GSG1L: variants seen among roughly 807,000 people sequenced by gnomAD.
GSG1L encodes germ cell-specific gene 1-like protein.
GSG1L carries 24 observed loss-of-function variants against 42.1 expected under a neutral mutation model. The ratio of observed to expected loss-of-function variants is 0.57; its 90% confidence interval spans 0.41 to 0.80. The LOEUF (loss-of-function observed/expected upper bound fraction) is 0.80, where lower values mean the gene tolerates loss of function less well. GSG1L is among the 30% of genes least tolerant of loss of function. The pLI is 0.00. For synonymous variants in GSG1L, 215 were observed against 203.5 expected (o/e 1.06, Z -0.48); for missense variants, 445 against 472.2 (o/e 0.94, Z 0.53).
intron 1 of GSG1L, among the ~76,000 whole-genome samples, chr16:28,061,435 G>A (rs375207521): frequency 1.3e-5 from 2 of 152,248 alleles, no homozygotes; most frequent in South Asian, 2.1e-4. Context: ...TCTGACAAAC[G>A]GCCAGCCTGG....
intron 1 of GSG1L, among the ~76,000 whole-genome samples, chr16:28,007,881 C>T (rs1328970829): frequency 6.6e-6 from 1 of 152,096 alleles, no homozygotes; most frequent in Non-Finnish European, 1.5e-5. Context: ...ATGGCAGATG[C>T]AATTGACAGC....
chr16:28,061,558 A>G (rs981720052), intron 1 of GSG1L, among the ~76,000 whole-genome samples: 5 of 152,166 alleles, frequency 3.3e-5, no homozygotes, highest in Non-Finnish European at 7.3e-5. Flanking sequence ...CACCCGGCAA[A>G]TGTTTATTGA....
At chr16:28,025,826 C>G (rs1022677620) in intron 1 of GSG1L, among the ~76,000 whole-genome samples, 1 of 152,146 alleles carries the variant, frequency 6.6e-6, no homozygotes, top group African/African-American at 2.4e-5. Context: ...CTCCTGTCAT[C>G]CTGATGGCCC....
intron 2 of GSG1L, among the ~76,000 whole-genome samples, chr16:27,925,651 C>T (rs2084584061): frequency 6.6e-6 from 1 of 152,084 alleles, no homozygotes; most frequent in Non-Finnish European, 1.5e-5. Context: ...AGGGTGGGTC[C>T]CAACCATGCA....
intron 1 of GSG1L, among the ~76,000 whole-genome samples, chr16:27,966,935 C>A (rs551339935): frequency 3.3e-5 from 5 of 152,140 alleles, no homozygotes; most frequent in Non-Finnish European, 5.9e-5. Flanking sequence ...GATAAGGCAC[C>A]TGAAAGCTCT....
At chr16:27,990,255 C>T (rs1329291712) in intron 1 of GSG1L, among the ~76,000 whole-genome samples, 4 of 152,056 alleles carry the variant, frequency 2.6e-5, no homozygotes, top group African/African-American at 9.7e-5. Flanking sequence ...TTTATATCTA[C>T]AGCAATTGGG....
chr16:28,041,525 A>G (rs1386749358), intron 1 of GSG1L, among the ~76,000 whole-genome samples: 1 of 152,198 alleles, frequency 6.6e-6, no homozygotes, highest in Admixed American at 6.5e-5. Flanking sequence ...AGAGCTTAGT[A>G]GTAGTCGTGG....
intron 1 of GSG1L, among the ~76,000 whole-genome samples, chr16:27,977,855 T>C (rs1353903686): frequency 6.6e-6 from 1 of 152,162 alleles, no homozygotes; most frequent in African/African-American, 2.4e-5. Context: ...CAGGGGTGTG[T>C]CCACCGTTCA....
intron 4 of GSG1L, among the ~76,000 whole-genome samples, 176 bp from the exon 5 acceptor site, chr16:27,829,132 G>A (rs1380610834): frequency 2.6e-5 from 4 of 152,214 alleles, no homozygotes; most frequent in African/African-American, 9.7e-5. Flanking sequence ...CAGTCTGGGA[G>A]ACAGAGAATT....
chr16:28,004,670 C>T (rs1173936175), intron 1 of GSG1L, among the ~76,000 whole-genome samples: 1 of 151,970 alleles, frequency 6.6e-6, no homozygotes, highest in Non-Finnish European at 1.5e-5. Context: ...CCCAACTACT[C>T]AGTAGGCTGG....
chr16:27,810,484 A>T (rs1376306391), intron 5 of GSG1L, among the ~76,000 whole-genome samples: 7 of 152,216 alleles, frequency 4.6e-5, no homozygotes, highest in Non-Finnish European at 7.4e-5. Context: ...AGTAAAAAAG[A>T]TCAGGCATTG....
chr16:27,906,633 C>T (rs547050829), intron 2 of GSG1L, among the ~76,000 whole-genome samples: 1 of 152,300 alleles, frequency 6.6e-6, no homozygotes, highest in African/African-American at 2.4e-5. Context: ...CTCATCTGCA[C>T]TCAGGTCTCA....
intron 4 of GSG1L, among the ~76,000 whole-genome samples, chr16:27,843,504 T>TTA (rs1357286018): frequency 4.0e-5 from 3 of 75,936 alleles, no homozygotes; most frequent in African/African-American, 9.7e-5. Context: ...AGAGACTCTG[T>TTA]AAAAAAAAAA....
At chr16:28,053,713 G>A (rs1365088346) in intron 1 of GSG1L, among the ~76,000 whole-genome samples, 2 of 152,098 alleles carry the variant, frequency 1.3e-5, no homozygotes, top group Non-Finnish European at 2.9e-5. Flanking sequence ...CCCTGTGTGT[G>A]AGTGCACGTG....
At position 28,059,325 on chromosome 16, in the gene GSG1L, G is replaced by A. The variant is rs966812967; in HGVS notation, c.349+3751C>T. Among the ~76,000 whole-genome samples the A allele has an allele frequency of 2.6e-5, 4 of 152,016 alleles. No individual in the cohort carries two copies. The highest frequency in any genetic ancestry group is 3.9e-4 in the East Asian group (2 of 5,158). Reference sequence around the variant, plus strand: ...CTGGGACTGTGGGAGGGGCCACCGCGGTGTGGGGTGTGTTGGCTCCCCGCC... The same window carrying A: ...CTGGGACTGTGGGAGGGGCCACCGCAGTGTGGGGTGTGTTGGCTCCCCGCC... On this transcript the variant is annotated intron_variant, in intron 1 of 6. Coordinates refer to ENST00000447459, the MANE Select transcript of GSG1L (RefSeq NM_001109763.2). This position sits in a 1 kb window ranked among gnomAD's most constrained non-coding sequence, Gnocchi z 4.4.
At chr16:27,793,714 G>A (rs369904831) in intron 6 of GSG1L, among the ~76,000 whole-genome samples, 4 of 152,220 alleles carry the variant, frequency 2.6e-5, no homozygotes, top group East Asian at 1.9e-4. Flanking sequence ...CTGTCCCCTG[G>A]ATGCAGAGGG....
intron 1 of GSG1L, among the ~76,000 whole-genome samples, chr16:28,027,442 C>T (rs1010028085): frequency 1.3e-5 from 2 of 152,124 alleles, no homozygotes; most frequent in Non-Finnish European, 2.9e-5. Flanking sequence ...TGAGGGGCCA[C>T]GTTAATTTCC....
chr16:28,022,873 T>C (rs2085859934), intron 1 of GSG1L, among the ~76,000 whole-genome samples: 1 of 152,122 alleles, frequency 6.6e-6, no homozygotes, highest in African/African-American at 2.4e-5. Context: ...GGTTTCACTA[T>C]ATTGGCCAGG....
intron 5 of GSG1L, among the ~76,000 whole-genome samples, chr16:27,821,292 T>A (rs1474192400): frequency 6.8e-6 from 1 of 146,610 alleles, no homozygotes; most frequent in Non-Finnish European, 1.5e-5. Context: ...ATTTCTTGTA[T>A]TTTTTTTTTT....
Sources: gnomAD v4.1 joint callset for allele counts (sites outside exome capture counted in the v4.1 genomes callset) on GRCh38, gnomAD v4.1.1 for gene constraint, Gnocchi (gnomAD v3.1) non-coding constraint, MANE v1.5 for transcripts, NCBI Gene and HGNC (gene_info 2026-07-23, HGNC 2026-07-21) for gene names.